Variants in RTTN observed in about 807,000 individuals in gnomAD.
RTTN encodes the protein rotatin.
RTTN carries 182 observed loss-of-function variants against 269.2 expected under a neutral mutation model. That is an observed-to-expected ratio of 0.68 (90% CI 0.60 to 0.76). RTTN has a LOEUF of 0.76. RTTN is among the 30% of genes least tolerant of loss of function. The probability of loss-of-function intolerance (pLI) is 0.00; values close to 1 mark genes in which losing one functional copy is unlikely to be tolerated. For synonymous variants in RTTN, 1,006 were observed against 963.5 expected, an observed-to-expected ratio of 1.04 and a Z score of -0.82; for missense variants, 2,545 against 2,608.6, an observed-to-expected ratio of 0.98 and a Z score of 0.53.
intron 26 of RTTN, among the ~76,000 whole-genome samples, chr18:70,115,075 T>C (rs1290214702): frequency 6.6e-6 from 1 of 152,092 alleles, no homozygotes; most frequent in Non-Finnish European, 1.5e-5. Context: ...CACTAACTCC[T>C]GGATAATCAA....
chr18:70,193,025 T>C (rs1285210044), intron 8 of RTTN: 1 of 317,292 alleles, frequency 3.2e-6, no homozygotes, highest in Non-Finnish European at 5.7e-6. Context: ...GGGGGACACA[T>C]ACACACACAT....
intron 19 of RTTN, 74 bp downstream of exon 19, chr18:70,142,214 C>T (rs1472645914): frequency 4.2e-6 from 4 of 953,750 alleles, no homozygotes; most frequent in Non-Finnish European, 4.9e-6. Context: ...GTTGCCAACT[C>T]CTGCCAGTAC....
At chr18:70,043,409 AG>A (rs1202678681) in intron 40 of RTTN, among the ~76,000 whole-genome samples, 2 of 152,212 alleles carry the variant, frequency 1.3e-5, no homozygotes, top group Non-Finnish European at 2.9e-5. Context: ...GAGAATGAGA[AG>A]GGAACCCATT....
intron 46 of RTTN, among the ~76,000 whole-genome samples, chr18:70,016,500 G>C (rs952134384): frequency 3.9e-5 from 6 of 152,280 alleles, no homozygotes; most frequent in Admixed American, 3.9e-4. Flanking sequence ...TCAAGACCAG[G>C]TGTGTAGGGG....
intron 11 of RTTN, among the ~76,000 whole-genome samples, chr18:70,175,440 T>C (rs985865282): frequency 6.6e-6 from 1 of 152,056 alleles, no homozygotes; most frequent in African/African-American, 2.4e-5. Context: ...TAACTCAAAC[T>C]ACAAATATGG....
chr18:70,023,248 C>G (rs183482777), intron 44 of RTTN, among the ~76,000 whole-genome samples: 1 of 152,148 alleles, frequency 6.6e-6, no homozygotes, highest in African/African-American at 2.4e-5. Flanking sequence ...AGATTAGCCA[C>G]GCCCAGATTC....
chr18:70,007,870 A>G (rs1188002129), intron 46 of RTTN: 1 of 152,418 alleles, frequency 6.6e-6, no homozygotes, highest in Non-Finnish European at 1.5e-5. Flanking sequence ...GTCTCTGAAG[A>G]GAGCAGTGGA....
chr18:70,191,292 T>C (rs1030159188), intron 8 of RTTN, among the ~76,000 whole-genome samples: 2 of 152,136 alleles, frequency 1.3e-5, no homozygotes, highest in African/African-American at 4.8e-5. Flanking sequence ...ATTCCTATAG[T>C]AGGAATCAAT....
At chr18:70,137,277 G>A (rs1449174567) in intron 21 of RTTN, among the ~76,000 whole-genome samples, 2 of 151,988 alleles carry the variant, frequency 1.3e-5, no homozygotes, top group Non-Finnish European at 2.9e-5. Context: ...TTATAGCCTT[G>A]GCCAAGTTGC....
At chr18:70,189,500 A>G (rs1225628249) in intron 9 of RTTN, among the ~76,000 whole-genome samples, 1 of 152,228 alleles carries the variant, frequency 6.6e-6, no homozygotes. Context: ...AACGTTGAAA[A>G]TGTATAGATT....
chr18:70,039,419 G>GAA (rs1195313925), intron 40 of RTTN, among the ~76,000 whole-genome samples: 1 of 150,422 alleles, frequency 6.6e-6, no homozygotes, highest in African/African-American at 2.4e-5. Flanking sequence ...AAAAAAAAAA[G>GAA]AAAAACAACA....
intron 46 of RTTN, chr18:70,006,768 G>A (rs969060581): frequency 6.5e-6 from 2 of 309,514 alleles, no homozygotes; most frequent in Non-Finnish European, 1.2e-5. Context: ...CCACAAGTGT[G>A]TAAAAATAAG....
At chr18:70,048,307 A>G in intron 39 of RTTN, 119 bp from the exon 40 acceptor site, 1 of 954,830 alleles carries the variant, frequency 1.0e-6, no homozygotes, top group Non-Finnish European at 1.5e-6. Flanking sequence ...AACTTGTGTG[A>G]TTGTGTTGCA....
chr18:70,135,545 C>T (rs1394622069), intron 21 of RTTN, among the ~76,000 whole-genome samples: 7 of 152,094 alleles, frequency 4.6e-5, no homozygotes, highest in Non-Finnish European at 4.4e-5. Flanking sequence ...GCAGATGCTG[C>T]CAGTCCAGGA....
intron 28 of RTTN, among the ~76,000 whole-genome samples, chr18:70,100,486 G>A (rs576165562): frequency 4.7e-4 from 72 of 152,298 alleles, no homozygotes; most frequent in South Asian, 8.3e-4. Flanking sequence ...GGGCTGAGAC[G>A]ATGGGGTTTT....
At position 70,051,558 on chromosome 18, in the gene RTTN, TAATC is replaced by T; in HGVS notation, c.5186-14_5186-11del. On this transcript the variant is annotated splice_polypyrimidine_tract_variant and intron_variant, in intron 38 of 48. Transcript: ENST00000640769. ...GATATTAACTCTTTATCTATAAAAT[TAATC>T]AAAACACTTCAAGTTATTAACACAA... 2 of 1,572,788 alleles carry T rather than the reference TAATC, an allele frequency of 1.3e-6. No individual in the cohort carries two copies. Among genetic ancestry groups the T allele is most frequent in the Non-Finnish European group, 1.7e-6 (2 of 1,150,952 alleles).
intron 26 of RTTN, among the ~76,000 whole-genome samples, chr18:70,117,436 C>T (rs2059628762): frequency 6.6e-6 from 1 of 151,808 alleles, no homozygotes; most frequent in African/African-American, 2.4e-5. Flanking sequence ...GGAGTAAACC[C>T]AACTGATAGT....
chr18:70,046,093 T>G (rs17805624), intron 40 of RTTN, among the ~76,000 whole-genome samples: 10,693 of 152,238 alleles, frequency 0.07, 482 homozygotes, highest in Non-Finnish European at 0.099. Context: ...ATAAACTGAT[T>G]CATTACCCTA....
intron 2 of RTTN, 42 bp downstream of exon 2, chr18:70,205,086 G>T: frequency 6.4e-7 from 1 of 1,561,690 alleles, no homozygotes; most frequent in Non-Finnish European, 8.7e-7. Flanking sequence ...TAAGAAACAA[G>T]TCACTCGTCT....
Sources: allele counts gnomAD v4.1 joint callset (sites outside exome capture counted in the v4.1 genomes callset), GRCh38; gene constraint gnomAD v4.1.1; transcripts MANE v1.5; gene names NCBI Gene and HGNC (gene_info 2026-07-23, HGNC 2026-07-21).